The following FHIT variants were observed in gnomAD, a reference collection of about 807,000 sequenced individuals.
The protein encoded by FHIT is bis(5'-adenosyl)-triphosphatase.
FHIT carries 19 observed loss-of-function variants against 17.9 expected under a neutral mutation model. The ratio of observed to expected loss-of-function variants is 1.06; its 90% CI spans 0.74 to 1.56. FHIT has a LOEUF of 1.56. Ranked by LOEUF, FHIT falls within the 40% of genes most tolerant of loss-of-function variation. FHIT has a pLI of 0.00. For synonymous variants in FHIT, 81 were observed against 69.7 expected (o/e 1.16, Z -0.81); for missense variants, 248 against 189.2 (o/e 1.31, Z -1.82).
chr3:59,954,489 C>A (rs1707294920), intron 7 of FHIT, among the ~76,000 whole-genome samples: 1 of 152,132 alleles, frequency 6.6e-6, no homozygotes, highest in Non-Finnish European at 1.5e-5. Context: ...CAACTCTCAC[C>A]TAAGGAGTGC....
intron 3 of FHIT, among the ~76,000 whole-genome samples, chr3:60,867,430 A>T (rs1704215068): frequency 1.3e-5 from 2 of 152,332 alleles, no homozygotes; most frequent in Admixed American, 1.3e-4. Flanking sequence ...TGGTACACAC[A>T]AGTGTTAACA....
rs772286676 is a variant in FHIT at position 60,207,584 on chromosome 3, G to A, written c.104-193432C>T. 6.5e-4 allele frequency among the ~76,000 whole-genome samples: 99 copies of A among 151,984 alleles called. 1 individual carries two copies. Among genetic ancestry groups the A allele is most frequent in the Non-Finnish European group, 1.1e-3 (75 of 68,014 alleles). ...AGAATCACCACCCCACAGTCCCCCC[G>A]CCGACAAATCATACTATTTAATATG... On this transcript the variant is annotated intron_variant, in intron 5 of 9. Transcript: ENST00000492590.
chr3:60,528,023 G>A (rs188683651), intron 5 of FHIT, among the ~76,000 whole-genome samples: 1 of 152,352 alleles, frequency 6.6e-6, no homozygotes, highest in Admixed American at 6.5e-5. Context: ...GCCCAGGCTA[G>A]AGTGCAGAGG....
At chr3:60,790,359 A>G (rs989962990) in intron 4 of FHIT, among the ~76,000 whole-genome samples, 1 of 152,324 alleles carries the variant, frequency 6.6e-6, no homozygotes, top group Non-Finnish European at 1.5e-5. Flanking sequence ...TTAGATTCAA[A>G]TATGTCACAA....
At chr3:60,479,351 G>A (rs1260770027) in intron 5 of FHIT, among the ~76,000 whole-genome samples, 1 of 151,384 alleles carries the variant, frequency 6.6e-6, no homozygotes. Context: ...TGGTTGGGGA[G>A]GGAGAGGAAG....
intron 5 of FHIT, among the ~76,000 whole-genome samples, chr3:60,521,846 T>C (rs1029478666): frequency 1.3e-5 from 2 of 152,194 alleles, no homozygotes; most frequent in East Asian, 3.9e-4. Context: ...AGTAGAGCCA[T>C]TGGCAGGCAG....
At chr3:60,206,159 A>ATTATTATT (rs1559727101) in intron 5 of FHIT, among the ~76,000 whole-genome samples, 8 of 138,478 alleles carry the variant, frequency 5.8e-5, no homozygotes, top group African/African-American at 2.3e-4. Context: ...AAATAATAAT[A>ATTATTATT]ATAATAATAA....
chr3:60,011,288 G>C, intron 7 of FHIT, 83 bp downstream of exon 7: 11 of 1,278,162 alleles, frequency 8.6e-6, no homozygotes, highest in Non-Finnish European at 1.1e-5. Context: ...AAACAGCAAT[G>C]TGCTGCATAT....
At chr3:61,007,466 G>A (rs1226836247) in intron 3 of FHIT, among the ~76,000 whole-genome samples, 1 of 152,120 alleles carries the variant, frequency 6.6e-6, no homozygotes, top group East Asian at 1.9e-4. Context: ...TTTCTCAGGT[G>A]AATACCTATT....
intron 4 of FHIT, among the ~76,000 whole-genome samples, chr3:60,760,317 T>C (rs1553719426): frequency 6.6e-6 from 1 of 152,186 alleles, no homozygotes; most frequent in Non-Finnish European, 1.5e-5. Context: ...TAGGAGCAGG[T>C]AGGCTAGTGA....
chr3:61,147,104 GT>G (rs1317322937), intron 2 of FHIT, among the ~76,000 whole-genome samples: 2 of 151,904 alleles, frequency 1.3e-5, no homozygotes, highest in Admixed American at 1.3e-4. Flanking sequence ...TCTTTTTGTT[GT>G]TGTTTTCTAC....
intron 5 of FHIT, among the ~76,000 whole-genome samples, chr3:60,354,419 A>C (rs551686219): frequency 6.6e-6 from 1 of 152,182 alleles, no homozygotes; most frequent in Admixed American, 6.5e-5. Context: ...CTAAAAACAG[A>C]CTCAGTTTAG....
At chr3:60,303,517 G>A (rs1476503850) in intron 5 of FHIT, among the ~76,000 whole-genome samples, 1 of 152,124 alleles carries the variant, frequency 6.6e-6, no homozygotes, top group African/African-American at 2.4e-5. Flanking sequence ...TGGACCCATG[G>A]AAGACCATTT....
At chr3:60,851,984 C>A (rs1553748540) in intron 3 of FHIT, among the ~76,000 whole-genome samples, 1 of 152,014 alleles carries the variant, frequency 6.6e-6, no homozygotes, top group African/African-American at 2.4e-5. Flanking sequence ...CATGAGGTGC[C>A]CAGATATTTG....
chr3:60,966,853 T>C (rs1330643327), intron 3 of FHIT, among the ~76,000 whole-genome samples: 1 of 152,224 alleles, frequency 6.6e-6, no homozygotes, highest in Non-Finnish European at 1.5e-5. Context: ...TGGTACATTT[T>C]ACACATAAAG....
intron 5 of FHIT, among the ~76,000 whole-genome samples, chr3:60,020,541 C>A (rs1391716579): frequency 1.3e-5 from 2 of 152,176 alleles, no homozygotes; most frequent in African/African-American, 4.8e-5. Context: ...GATAATACAA[C>A]ACAGAATTAA....
At chr3:60,255,482 C>T (rs538399151) in intron 5 of FHIT, among the ~76,000 whole-genome samples, 46 of 152,072 alleles carry the variant, frequency 3.0e-4, no homozygotes, top group East Asian at 7.8e-4. Flanking sequence ...TGCAGCCAGC[C>T]GGACAGAGCA....
intron 1 of FHIT, among the ~76,000 whole-genome samples, chr3:61,249,963 C>T (rs1224115713): frequency 1.3e-5 from 2 of 150,642 alleles, no homozygotes; most frequent in African/African-American, 4.9e-5. Context: ...CACACACACA[C>T]ACACACACAC....
chr3:60,370,206 G>A (rs1700270693), intron 5 of FHIT, among the ~76,000 whole-genome samples: 1 of 45,236 alleles, frequency 2.2e-5, no homozygotes, highest in African/African-American at 9.5e-5. Context: ...AATATTTTTG[G>A]CCAAGATTCA....
Sources: gnomAD v4.1 joint callset for allele counts (sites outside exome capture counted in the v4.1 genomes callset) on GRCh38, gnomAD v4.1.1 for gene constraint, MANE v1.5 for transcripts, NCBI Gene and HGNC (gene_info 2026-07-23, HGNC 2026-07-21) for gene names.